The following TMEM272 variants were observed in gnomAD, a reference collection of about 807,000 sequenced individuals.
TMEM272 encodes the protein long intergenic non-protein coding RNA 282.
Under a neutral mutation model 3.7 loss-of-function variants are expected in TMEM272, and 8 were observed. The observed-to-expected ratio is 2.17, with a 90% CI of 1.27 to 3.91. The LOEUF (loss-of-function observed/expected upper bound fraction) is 3.91, where lower values mean the gene tolerates loss of function less well. Among genes scored for constraint, TMEM272 ranks in the 30% most tolerant of loss-of-function variants. The probability of loss-of-function intolerance (pLI) is 0.00; values close to 1 mark genes in which losing one functional copy is unlikely to be tolerated. For synonymous variants in TMEM272, 63 were observed against 39.8 expected (o/e 1.58, Z -2.20); for missense variants, 166 against 91.5 (o/e 1.81, Z -3.32).
upstream of TMEM272, among the ~76,000 whole-genome samples, chr13:51,847,541 C>A (rs1047523783): frequency 6.6e-6 from 1 of 152,200 alleles, no homozygotes; most frequent in Non-Finnish European, 1.5e-5. Context: ...TGAATACATT[C>A]TATGACCTTC....
At chr13:51,851,373 AGAGGAAGAG>A in the TMEM272 span, among the ~76,000 whole-genome samples, 6 of 147,878 alleles carry the variant, frequency 4.1e-5, no homozygotes, top group Non-Finnish European at 7.6e-5. Flanking sequence ...AAGAGGAAGA[AGAGGAAGAG>A]GAGGAGGAGG....
the TMEM272 span, among the ~76,000 whole-genome samples, chr13:51,883,961 A>C: frequency 2.6e-5 from 4 of 152,242 alleles, no homozygotes; most frequent in South Asian, 8.3e-4. Context: ...AAATACTTTA[A>C]AAAGATGTCA....
the TMEM272 span, among the ~76,000 whole-genome samples, chr13:51,905,373 A>T: frequency 2.0e-5 from 3 of 152,260 alleles, no homozygotes; most frequent in African/African-American, 7.2e-5. Flanking sequence ...CCTCGGCTAG[A>T]GCTGCACCTG....
chr13:51,920,845 A>G, the TMEM272 span, among the ~76,000 whole-genome samples: 9 of 152,162 alleles, frequency 5.9e-5, no homozygotes, highest in African/African-American at 2.2e-4. Context: ...TCCCTCACCT[A>G]CAATTGCGAC....
intron 1 of TMEM272, among the ~76,000 whole-genome samples, chr13:51,840,848 GC>G (rs769372834): frequency 5.3e-5 from 8 of 152,202 alleles, no homozygotes; most frequent in Non-Finnish European, 8.8e-5. Context: ...GAACACCACA[GC>G]CCTGAGGAAA....
chr13:51,851,160 C>T, the TMEM272 span, among the ~76,000 whole-genome samples: 1 of 152,062 alleles, frequency 6.6e-6, no homozygotes, highest in Admixed American at 6.5e-5. Context: ...ACAGCAAGAC[C>T]CTGTCTCTAC....
the TMEM272 span, among the ~76,000 whole-genome samples, chr13:51,870,822 G>A: frequency 7.2e-4 from 110 of 152,284 alleles, no homozygotes; most frequent in African/African-American, 2.6e-3. Flanking sequence ...AGGACAGGAA[G>A]ACTACGTTTT....
chr13:51,834,855 C>A (rs1224063877), intron 2 of TMEM272, among the ~76,000 whole-genome samples: 1 of 152,234 alleles, frequency 6.6e-6, no homozygotes, highest in Non-Finnish European at 1.5e-5. Context: ...ACACGCTGCA[C>A]ATGTATTCAT....
the TMEM272 span, among the ~76,000 whole-genome samples, chr13:51,924,866 A>T: frequency 1.3e-5 from 2 of 152,148 alleles, no homozygotes; most frequent in Non-Finnish European, 1.5e-5. Context: ...CAGCATTCCC[A>T]GAAGATCTCT....
chr13:51,891,183 A>T, the TMEM272 span, among the ~76,000 whole-genome samples: 1 of 152,262 alleles, frequency 6.6e-6, no homozygotes, highest in Non-Finnish European at 1.5e-5. Flanking sequence ...AGCCTTCATT[A>T]TGAGGTTCCT....
chr13:51,864,346 A>G, the TMEM272 span, among the ~76,000 whole-genome samples: 2 of 151,986 alleles, frequency 1.3e-5, no homozygotes, highest in African/African-American at 4.8e-5. Context: ...TCCTCATCCC[A>G]CACTCCAAAT....
chr13:51,907,535 C>T, the TMEM272 span, among the ~76,000 whole-genome samples: 1 of 152,198 alleles, frequency 6.6e-6, no homozygotes, highest in South Asian at 2.1e-4. Flanking sequence ...AGCCCCTATA[C>T]CCAGAGCCTG....
chr13:51,839,204 A>C (rs1031606371), intron 1 of TMEM272, among the ~76,000 whole-genome samples: 4 of 152,148 alleles, frequency 2.6e-5, no homozygotes, highest in South Asian at 2.1e-4. Context: ...TGGTCTGAGC[A>C]AGTTGGTTGA....
At chr13:51,932,169 T>C in the TMEM272 span, among the ~76,000 whole-genome samples, 2 of 152,066 alleles carry the variant, frequency 1.3e-5, no homozygotes, top group Admixed American at 6.5e-5. Flanking sequence ...GTCAACTCCC[T>C]TCAGGTGTGG....
chr13:51,905,301 C>T, the TMEM272 span, among the ~76,000 whole-genome samples: 1 of 152,188 alleles, frequency 6.6e-6, no homozygotes, highest in Admixed American at 6.5e-5. Context: ...CTCAGAGAGC[C>T]ATGATTCCAG....
At chr13:51,903,494 G>T in the TMEM272 span, among the ~76,000 whole-genome samples, 1 of 152,266 alleles carries the variant, frequency 6.6e-6, no homozygotes, top group East Asian at 1.9e-4. Context: ...TGTCACTTCA[G>T]GTTCTGGCTG....
the TMEM272 span, among the ~76,000 whole-genome samples, chr13:51,856,063 T>C: frequency 6.6e-6 from 1 of 152,320 alleles, no homozygotes; most frequent in Non-Finnish European, 1.5e-5. Context: ...GCTCAGAGGT[T>C]AGAGTTTTTA....
the TMEM272 span, among the ~76,000 whole-genome samples, chr13:51,853,856 T>G: frequency 1.3e-5 from 2 of 152,244 alleles, no homozygotes; most frequent in Non-Finnish European, 2.9e-5. Flanking sequence ...CCCCAAAATG[T>G]TCATACTGGT....
upstream of TMEM272, among the ~76,000 whole-genome samples, chr13:51,845,976 C>T (rs1886321): frequency 0.41 from 61,912 of 152,130 alleles, 13,529 homozygotes; most frequent in Admixed American, 0.49. Context: ...GTTGTCATTT[C>T]GGTGGAAAAG....
Sources: allele counts gnomAD v4.1 joint callset (sites outside exome capture counted in the v4.1 genomes callset), GRCh38; gene constraint gnomAD v4.1.1; transcripts MANE v1.5; gene names NCBI Gene and HGNC (gene_info 2026-07-23, HGNC 2026-07-21).